The following LINGO2 variants were observed in gnomAD, a reference collection of about 807,000 sequenced individuals.
LINGO2 encodes leucine rich repeat and Ig domain containing 2.
In LINGO2, 14 loss-of-function variants were observed where a neutral mutation model predicts 30.6. The ratio of observed to expected loss-of-function variants is 0.46; its 90% confidence interval spans 0.30 to 0.72. The LOEUF is 0.72. LINGO2 is among the 30% of genes least tolerant of loss of function. The pLI is 0.07. For missense variants in LINGO2, 729 were observed against 751.7 expected (o/e 0.97, Z 0.35); for synonymous variants, 317 against 288.5 (o/e 1.10, Z -1.00).
At chr9:28,586,186 A>AT (rs556917837) in intron 1 of LINGO2, among the ~76,000 whole-genome samples, 20 of 151,484 alleles carry the variant, frequency 1.3e-4, no homozygotes, top group East Asian at 1.9e-4. Context: ...TTGTAATTTA[A>AT]TTTTTTTTTA....
intron 4 of LINGO2, among the ~76,000 whole-genome samples, chr9:28,087,480 G>C (rs1049924104): frequency 1.2e-4 from 18 of 151,998 alleles, no homozygotes; most frequent in Non-Finnish European, 1.2e-4. Flanking sequence ...ATATTCATGA[G>C]AAAATTATTT....
the LINGO2 span, among the ~76,000 whole-genome samples, chr9:28,800,373 T>C: frequency 6.6e-6 from 1 of 152,100 alleles, no homozygotes; most frequent in African/African-American, 2.4e-5. Context: ...CGGTGTATTT[T>C]TTCTCCAGAG....
intron 4 of LINGO2, among the ~76,000 whole-genome samples, chr9:28,242,950 C>T (rs1821854159): frequency 1.3e-5 from 2 of 152,134 alleles, no homozygotes; most frequent in Non-Finnish European, 2.9e-5. Context: ...ACCAGGCCTG[C>T]CTTGCAAGAG....
At chr9:28,342,486 T>G (rs1438407370) in intron 3 of LINGO2, among the ~76,000 whole-genome samples, 6 of 152,186 alleles carry the variant, frequency 3.9e-5, no homozygotes, top group Admixed American at 1.3e-4. Context: ...TCAGTGGTAC[T>G]GGAATCTCAA....
chr9:29,162,076 C>T, the LINGO2 span, among the ~76,000 whole-genome samples: 3 of 151,996 alleles, frequency 2.0e-5, no homozygotes, highest in East Asian at 1.9e-4. Context: ...CCCGCCATCA[C>T]GCATGGCTAA....
chr9:28,197,643 C>A (rs1284656449), intron 4 of LINGO2, among the ~76,000 whole-genome samples: 3 of 151,828 alleles, frequency 2.0e-5, no homozygotes, highest in African/African-American at 4.8e-5. Flanking sequence ...TCTTTAGGAA[C>A]TGCAGAGTTG....
At chr9:28,182,099 C>T (rs913996266) in intron 4 of LINGO2, among the ~76,000 whole-genome samples, 1 of 152,124 alleles carries the variant, frequency 6.6e-6, no homozygotes, top group African/African-American at 2.4e-5. Context: ...CAGCATGGTA[C>T]TGGTACCAAA....
the LINGO2 span, among the ~76,000 whole-genome samples, chr9:29,016,135 T>C: frequency 6.6e-6 from 1 of 152,334 alleles, no homozygotes; most frequent in South Asian, 2.1e-4. Flanking sequence ...AGAAGCAAGC[T>C]CTTCTAATAA....
At chr9:28,119,670 C>T (rs1472149244) in intron 4 of LINGO2, among the ~76,000 whole-genome samples, 2 of 152,170 alleles carry the variant, frequency 1.3e-5, no homozygotes, top group African/African-American at 2.4e-5. Context: ...CTCCCCTCTC[C>T]AGATTTATAA....
chr9:28,169,122 G>A (rs546639835), intron 4 of LINGO2, among the ~76,000 whole-genome samples: 1 of 152,142 alleles, frequency 6.6e-6, no homozygotes, highest in Non-Finnish European at 1.5e-5. Flanking sequence ...TAAATATTTT[G>A]TAGAAAATGT....
At chr9:29,077,300 A>G in the LINGO2 span, among the ~76,000 whole-genome samples, 1 of 152,076 alleles carries the variant, frequency 6.6e-6, no homozygotes, top group East Asian at 1.9e-4. Flanking sequence ...TAGTGGAAAG[A>G]AACAAATATG....
intron 4 of LINGO2, among the ~76,000 whole-genome samples, chr9:28,282,829 T>G (rs946179998): frequency 6.6e-6 from 1 of 152,168 alleles, no homozygotes. Context: ...AAAATTTATA[T>G]GCAAAGAATT....
chr9:28,622,517 G>T (rs1826449776), intron 1 of LINGO2, among the ~76,000 whole-genome samples: 1 of 151,870 alleles, frequency 6.6e-6, no homozygotes, highest in South Asian at 2.1e-4. Context: ...TGTTGCAAAA[G>T]ACTGGATCTC....
At chr9:28,258,439 C>T (rs1822452426) in intron 4 of LINGO2, among the ~76,000 whole-genome samples, 1 of 151,788 alleles carries the variant, frequency 6.6e-6, no homozygotes, top group Admixed American at 6.6e-5. Context: ...ACTTAATTGT[C>T]AATATAAACA....
intron 1 of LINGO2, among the ~76,000 whole-genome samples, chr9:28,513,286 C>G (rs1820488579): frequency 6.6e-6 from 1 of 152,220 alleles, no homozygotes; most frequent in African/African-American, 2.4e-5. Context: ...GCACTAACTA[C>G]TATGAGCTAA....
the LINGO2 span, among the ~76,000 whole-genome samples, chr9:29,176,729 T>C: frequency 8.5e-5 from 13 of 152,222 alleles, no homozygotes; most frequent in African/African-American, 1.2e-4. Context: ...TACAGAAGTA[T>C]GAGACAACTA....
At chr9:28,019,671 T>C (rs1563917664) in intron 4 of LINGO2, among the ~76,000 whole-genome samples, 1 of 152,194 alleles carries the variant, frequency 6.6e-6, no homozygotes, top group African/African-American at 2.4e-5. Context: ...TTTGCTTATC[T>C]ATACTTTCTG....
At chr9:28,157,937 G>C (rs1435269866) in intron 4 of LINGO2, among the ~76,000 whole-genome samples, 3 of 152,116 alleles carry the variant, frequency 2.0e-5, no homozygotes, top group Non-Finnish European at 4.4e-5. Context: ...TGTCTCTAGG[G>C]AGTTCCAAAC....
chr9:28,294,233 T>C (rs10812774), intron 4 of LINGO2, among the ~76,000 whole-genome samples: 74,938 of 151,954 alleles, frequency 0.49, 18,697 homozygotes, highest in Middle Eastern at 0.6. Flanking sequence ...AGGCTATAAT[T>C]TACTGACTGA....
Sources: allele counts gnomAD v4.1 joint callset (sites outside exome capture counted in the v4.1 genomes callset), GRCh38; gene constraint gnomAD v4.1.1; transcripts MANE v1.5; gene names NCBI Gene and HGNC (gene_info 2026-07-23, HGNC 2026-07-21).